ANK2: variants seen among roughly 807,000 people sequenced by gnomAD.
ANK2 encodes the protein ankyrin-2.
A neutral mutation model predicts 360.5 loss-of-function variants in ANK2; 83 were observed. The ratio of observed to expected loss-of-function variants is 0.23; its 90% CI spans 0.19 to 0.28. ANK2 has a LOEUF of 0.28. Among genes scored for constraint, ANK2 ranks in the 10% least tolerant of loss-of-function variants. The pLI is 1.00. For synonymous variants in ANK2, 1,740 were observed against 1,759.5 expected (o/e 0.99, Z 0.28); for missense variants, 4,201 against 4,795.7 (o/e 0.88, Z 3.66).
the ANK2 span, among the ~76,000 whole-genome samples, chr4:112,768,714 C>T: frequency 6.6e-6 from 1 of 152,214 alleles, no homozygotes; most frequent in South Asian, 2.1e-4. Flanking sequence ...TCTCAGAGAT[C>T]AGTTTATGCT....
Position 113,302,684 on chromosome 4 carries a change from G to A in ANK2, c.2476-83G>A. 2.9e-6 allele frequency: 3 copies of A among 1,050,922 alleles called. No homozygotes were observed. In the East Asian group the frequency reaches 7.2e-5, roughly 25 times the overall value. 65.1% of individuals were successfully genotyped at this position (1,050,922 alleles called of 1,614,324 possible). A position where few individuals can be genotyped will look rare whatever the true frequency, so the allele number is the denominator to read the frequency against. On this transcript the variant is annotated intron_variant, in intron 22 of 45. Transcript: ENST00000357077. ...GGCTCGATGGCTTGCTGCTGCTGTT[G>A]AGTGTGGCCTCCTATGTGATGCTTT...
chr4:112,713,870 C>G, the ANK2 span, among the ~76,000 whole-genome samples: 5 of 148,208 alleles, frequency 3.4e-5, no homozygotes, highest in Admixed American at 3.4e-4. Context: ...GGAGGCGGAG[C>G]TTGCAGTGAG....
rs150598396 is a variant in ANK2, at chr4:113,293,487, C to T, written c.2424C>T (p.Ser808=). ...LAIAKRLGYI[S]VVDTLKVVTE... is the part of the protein sequence containing the mutation. ...TTGCTAAGCGTCTGGGCTACATCTC[C>T]GTGGTCGACACCCTGAAGGTTGTGA... Residue 808 remains serine (S), a synonymous_variant, in exon 22 of 46, where the codon TCC becomes TCT. Transcript: ENST00000357077. The T allele has an allele frequency of 3.7e-5, 59 of 1,613,784 alleles. 1 individual carries two copies. The African/African-American group carries it at 6.7e-4, about 18-fold the overall frequency.
At chr4:113,058,523 A>G (rs917447599) in intron 1 of ANK2, among the ~76,000 whole-genome samples, 3 of 152,120 alleles carry the variant, frequency 2.0e-5, no homozygotes, top group Non-Finnish European at 2.9e-5. Flanking sequence ...TATATATGAG[A>G]AATTTAGTAT....
intron 2 of ANK2, among the ~76,000 whole-genome samples, chr4:113,042,332 C>G (rs2063167917): frequency 6.6e-6 from 1 of 152,178 alleles, no homozygotes; most frequent in African/African-American, 2.4e-5. Flanking sequence ...AATTACACCA[C>G]AAGCTTTCTT....
the ANK2 span, among the ~76,000 whole-genome samples, chr4:112,760,770 A>AG: frequency 6.6e-6 from 1 of 151,322 alleles, no homozygotes; most frequent in South Asian, 2.1e-4. Flanking sequence ...TTAAATCAAA[A>AG]GTCCGTTAAG....
At chr4:113,254,149 T>G (rs920620136) in intron 10 of ANK2, among the ~76,000 whole-genome samples, 4 of 152,194 alleles carry the variant, frequency 2.6e-5, no homozygotes, top group South Asian at 2.1e-4. Flanking sequence ...AAAATTGCAC[T>G]CACGTACACA....
chr4:113,295,785 AATGGTTAC>A (rs2071041954), intron 22 of ANK2, among the ~76,000 whole-genome samples: 1 of 152,164 alleles, frequency 6.6e-6, no homozygotes, highest in Non-Finnish European at 1.5e-5. Context: ...GGATAGTTTT[AATGGTTAC>A]ATGTTTCGAT....
At chr4:112,962,713 C>T (rs965202998) in intron 2 of ANK2, among the ~76,000 whole-genome samples, 6 of 152,122 alleles carry the variant, frequency 3.9e-5, no homozygotes, top group African/African-American at 1.4e-4. Flanking sequence ...TGCTTAAGCC[C>T]TACCACCAAG....
the ANK2 span, among the ~76,000 whole-genome samples, chr4:112,755,595 G>T: frequency 6.6e-6 from 1 of 152,080 alleles, no homozygotes; most frequent in Non-Finnish European, 1.5e-5. Context: ...TAAGGGTGGG[G>T]GAGATTACAA....
intron 2 of ANK2, among the ~76,000 whole-genome samples, chr4:113,193,879 A>G (rs2098709908): frequency 6.6e-6 from 1 of 152,230 alleles, no homozygotes; most frequent in Non-Finnish European, 1.5e-5. Flanking sequence ...ACATTTTCAT[A>G]CAATTAAAGA....
chr4:112,787,286 A>G, the ANK2 span, among the ~76,000 whole-genome samples: 13 of 152,278 alleles, frequency 8.5e-5, no homozygotes, highest in Non-Finnish European at 1.5e-4. Context: ...ACATGTAAAG[A>G]CCTCAAACTG....
chr4:113,346,901 A>T (rs964589519), intron 35 of ANK2, among the ~76,000 whole-genome samples: 1 of 152,156 alleles, frequency 6.6e-6, no homozygotes, highest in Admixed American at 6.5e-5. Context: ...AATGTTGTGG[A>T]TAATTTATGT....
intron 13 of ANK2, 87 bp from the exon 14 acceptor site, chr4:113,264,810 T>C: frequency 7.5e-7 from 1 of 1,330,838 alleles, no homozygotes; most frequent in Non-Finnish European, 1.0e-6. Flanking sequence ...GATATATTGC[T>C]GAATTTCACA....
At position 113,241,522 on chromosome 4, in the gene ANK2, T is replaced by A. The variant is rs376585646; in HGVS notation, c.793-589T>A. Among the ~76,000 whole-genome samples, 15 of 152,302 alleles carry A rather than the reference T, an allele frequency of 9.8e-5. 3 individuals are homozygous for A. In the South Asian group the frequency reaches 2.9e-3, roughly 29 times the overall value. ...CTGGCTAATTTTTTAAAATTTTTTG[T>A]AGCGATGAGGTCTTACTATATTGCC... On this transcript the variant is annotated intron_variant, in intron 8 of 45. Coordinates refer to ENST00000357077, the MANE Select transcript of ANK2 (RefSeq NM_001148.6).
At chr4:113,025,159 C>T (rs919912578) in intron 2 of ANK2, among the ~76,000 whole-genome samples, 28 of 152,138 alleles carry the variant, frequency 1.8e-4, no homozygotes, top group Admixed American at 5.9e-4. Flanking sequence ...TTTCTGCCCC[C>T]TGCCCCAATT....
chr4:112,845,741 T>C (rs2063150212), intron 1 of ANK2, among the ~76,000 whole-genome samples: 1 of 152,242 alleles, frequency 6.6e-6, no homozygotes, highest in Non-Finnish European at 1.5e-5. Context: ...AATGTTAGTT[T>C]GGAAATACCT....
chr4:113,203,243 A>G (rs975850271), intron 4 of ANK2, among the ~76,000 whole-genome samples: 1 of 152,184 alleles, frequency 6.6e-6, no homozygotes, highest in Non-Finnish European at 1.5e-5. Flanking sequence ...GGTCACTTTT[A>G]TAACCTGTAA....
At position 113,049,786 on chromosome 4, in the gene ANK2, A is replaced by G; in HGVS notation, c.58A>G (p.Ser20Gly). Residue 20 changes from serine to glycine, a missense_variant, in exon 1 of 46, where the codon AGT becomes GGT. This residue lies in a region of ANK2 where 169 missense variants were observed against 191.1 expected (regional missense o/e 0.88). Transcript: ENST00000357077. ...SDSGEKFNGS[S>G]QRRKRPKKSD... ...CAGTGGAGAGAAGTTCAACGGCAGT[A>G]GTCAGAGGAGAAAAAGACCCAAGAA... The G allele has an allele frequency of 6.2e-7, 1 of 1,613,888 alleles. No homozygotes were observed.
Sources: allele counts gnomAD v4.1 joint callset (sites outside exome capture counted in the v4.1 genomes callset), GRCh38; gene constraint gnomAD v4.1.1; regional missense constraint gnomAD v4.1.1; transcripts MANE v1.5; gene names NCBI Gene and HGNC (gene_info 2026-07-23, HGNC 2026-07-21).